The following RGS6 variants were observed in gnomAD, a reference collection of about 807,000 sequenced individuals.
RGS6 encodes the protein regulator of G-protein signaling 6.
In RGS6, 30 loss-of-function variants were observed where a neutral mutation model predicts 78.5. That is an observed-to-expected ratio of 0.38 (90% CI 0.29 to 0.52). The LOEUF (loss-of-function observed/expected upper bound fraction) is 0.52. Ranked by LOEUF, RGS6 falls within the 20% of genes least tolerant of loss-of-function variation. The pLI, the probability that RGS6 is intolerant of heterozygous loss-of-function variation, is 0.85. For synonymous variants in RGS6, 206 were observed against 206.0 expected (o/e 1.00, Z 0.00); for missense variants, 495 against 609.7 (o/e 0.81, Z 1.98).
At chr14:72,472,717 C>T (rs1217454249) in intron 8 of RGS6, among the ~76,000 whole-genome samples, 155 bp from the exon 9 acceptor site, 1 of 152,174 alleles carries the variant, frequency 6.6e-6, no homozygotes, top group Non-Finnish European at 1.5e-5. Context: ...TTATACACCC[C>T]TATTTCACAG....
intron 2 of RGS6, among the ~76,000 whole-genome samples, chr14:72,056,033 A>C (rs2093602789): frequency 6.6e-6 from 1 of 152,212 alleles, no homozygotes; most frequent in African/African-American, 2.4e-5. Context: ...GTTTTGTTTT[A>C]CAATGCGGAT....
chr14:72,316,552 C>T (rs1005687727), intron 2 of RGS6, among the ~76,000 whole-genome samples: 2 of 152,208 alleles, frequency 1.3e-5, no homozygotes, highest in South Asian at 2.1e-4. Context: ...CATGTCCCTA[C>T]AAACGGCATG....
intron 14 of RGS6, chr14:72,513,737 C>T (rs2096906969): frequency 6.6e-6 from 1 of 152,278 alleles, no homozygotes. Context: ...AAATCTTTGT[C>T]CTCCCTGGCT....
intron 2 of RGS6, among the ~76,000 whole-genome samples, chr14:72,046,512 G>A (rs1428270845): frequency 6.6e-6 from 1 of 151,966 alleles, no homozygotes; most frequent in Non-Finnish European, 1.5e-5. Flanking sequence ...TGTAGTAAGA[G>A]GAGATTGAAA....
intron 13 of RGS6, among the ~76,000 whole-genome samples, chr14:72,498,826 C>T (rs1225410569): frequency 6.6e-6 from 1 of 152,194 alleles, no homozygotes; most frequent in African/African-American, 2.4e-5. Flanking sequence ...GTTTGGTTCA[C>T]GGAGTTCCCC....
intron 3 of RGS6, among the ~76,000 whole-genome samples, chr14:72,395,021 C>A (rs575931959): frequency 6.6e-6 from 1 of 151,920 alleles, no homozygotes; most frequent in South Asian, 2.1e-4. Context: ...TGACTTCCTG[C>A]AACAATAATT....
intron 2 of RGS6, among the ~76,000 whole-genome samples, chr14:72,072,629 G>A (rs1369733527): frequency 6.6e-6 from 1 of 152,116 alleles, no homozygotes; most frequent in African/African-American, 2.4e-5. Flanking sequence ...TATATTAGGA[G>A]GCAGAGAGCA....
intron 2 of RGS6, among the ~76,000 whole-genome samples, chr14:72,130,286 C>T (rs757380906): frequency 8.5e-5 from 13 of 152,152 alleles, no homozygotes; most frequent in Non-Finnish European, 1.3e-4. Flanking sequence ...TTTCACCAAC[C>T]AGAAAGTTCC....
intron 3 of RGS6, among the ~76,000 whole-genome samples, chr14:72,354,383 T>C (rs953540379): frequency 3.3e-5 from 5 of 150,014 alleles, no homozygotes; most frequent in Admixed American, 1.3e-4. Context: ...CCCAGCACTT[T>C]GGGAGGCTGA....
Position 72,556,358 on chromosome 14 carries a change from T to TATC in RGS6, c.1423-6057_1423-6055dup, listed in dbSNP as rs1395743045. ...TCGGATCTCATGAGAACTCACTCCCTATCACGAGAATAGCATGGGGGAAAC... is the reference window on the plus strand; with the variant it reads ...TCGGATCTCATGAGAACTCACTCCCTATCATCACGAGAATAGCATGGGGGAAAC... On this transcript the variant is annotated intron_variant, in intron 17 of 17. Coordinates refer to ENST00000553525, the MANE Select transcript of RGS6 (RefSeq NM_001204424.2). Among the ~76,000 whole-genome samples the TATC allele has an allele frequency of 1.1e-4, 16 of 152,250 alleles. No homozygotes were observed. In the East Asian group the frequency reaches 2.9e-3, roughly 28 times the overall value.
intron 2 of RGS6, among the ~76,000 whole-genome samples, chr14:72,189,546 ACT>A (rs1254951040): frequency 2.0e-5 from 3 of 152,148 alleles, no homozygotes; most frequent in African/African-American, 7.2e-5. Context: ...GCCGCCAGAC[ACT>A]CATTGAAATA....
intron 2 of RGS6, among the ~76,000 whole-genome samples, chr14:72,072,999 C>T (rs974103111): frequency 1.3e-5 from 2 of 152,150 alleles, no homozygotes; most frequent in Non-Finnish European, 2.9e-5. Context: ...TCCAGGTGAT[C>T]TAATGTGTAG....
intron 2 of RGS6, among the ~76,000 whole-genome samples, chr14:72,061,540 TCCTGAGAC>T (rs1215271892): frequency 1.3e-5 from 2 of 152,154 alleles, no homozygotes; most frequent in Admixed American, 1.3e-4. Flanking sequence ...TTGAGTATAT[TCCTGAGAC>T]CCTGGTTTCA....
chr14:71,971,149 A>G lies in RGS6; in HGVS notation c.84+6274A>G, dbSNP rs185636091. Among the ~76,000 whole-genome samples the G allele has an allele frequency of 1.5e-4, 23 of 152,316 alleles. No homozygotes were observed. The East Asian group carries it at 4.4e-3, about 29-fold the overall frequency. ...CCATGCCAAGGAGTTTAGACATTGT[A>G]AAAGTATCTTCCCTTTGGGCCTCCA... On this transcript the variant is annotated intron_variant, in intron 2 of 17. Transcript: ENST00000553525.
intron 2 of RGS6, among the ~76,000 whole-genome samples, chr14:72,100,451 C>T (rs780216689): frequency 3.3e-5 from 5 of 152,186 alleles, no homozygotes; most frequent in Non-Finnish European, 7.4e-5. Context: ...GCCAAGATTG[C>T]ACGACTGCAC....
chr14:72,361,881 A>G (rs1197452893), intron 3 of RGS6, among the ~76,000 whole-genome samples: 2 of 152,190 alleles, frequency 1.3e-5, no homozygotes, highest in African/African-American at 4.8e-5. Context: ...AGTTAGTAGC[A>G]GGACAGTCAC....
intron 17 of RGS6, chr14:72,547,041 T>A: frequency 1.2e-6 from 1 of 803,056 alleles, no homozygotes; most frequent in Non-Finnish European, 2.0e-6. Flanking sequence ...GGGAACTGTG[T>A]GGGCTCCCAC....
At chr14:72,544,708 G>C (rs1407651383) in intron 17 of RGS6, among the ~76,000 whole-genome samples, 1 of 152,170 alleles carries the variant, frequency 6.6e-6, no homozygotes, top group Non-Finnish European at 1.5e-5. Context: ...GATGGGGAGC[G>C]GGAAGCTCTG....
At chr14:71,937,154 C>A (rs1566866762) in intron 1 of RGS6, among the ~76,000 whole-genome samples, 1 of 152,184 alleles carries the variant, frequency 6.6e-6, no homozygotes, top group Non-Finnish European at 1.5e-5. Context: ...GTCAATCATG[C>A]CAGCCAACAC....
Sources: gnomAD v4.1 joint callset for allele counts (sites outside exome capture counted in the v4.1 genomes callset) on GRCh38, gnomAD v4.1.1 for gene constraint, MANE v1.5 for transcripts, NCBI Gene and HGNC (gene_info 2026-07-23, HGNC 2026-07-21) for gene names.